Variants in PIWIL1 observed in about 807,000 individuals in gnomAD.
PIWIL1 encodes piwi-like protein 1.
A neutral mutation model predicts 114.4 loss-of-function variants in PIWIL1; 73 were observed. The ratio of observed to expected loss-of-function variants is 0.64; its 90% CI spans 0.53 to 0.78. PIWIL1 has a LOEUF of 0.78. Among genes scored for constraint, PIWIL1 ranks in the 30% least tolerant of loss-of-function variants. The pLI is 0.00. For synonymous variants in PIWIL1, 375 were observed against 369.0 expected (o/e 1.02, Z -0.19); for missense variants, 723 against 1,063.1 (o/e 0.68, Z 4.45).
chr12:130,349,045 G>T (rs1369665042), intron 7 of PIWIL1, among the ~76,000 whole-genome samples, 194 bp from the exon 8 acceptor site: 3 of 152,200 alleles, frequency 2.0e-5, no homozygotes, highest in African/African-American at 7.2e-5. Context: ...CATTTAAAAT[G>T]AAACTTATAC....
chr12:130,347,925 A>G (rs990495682), intron 6 of PIWIL1, among the ~76,000 whole-genome samples, 178 bp from the exon 7 acceptor site: 44 of 152,202 alleles, frequency 2.9e-4, no homozygotes, highest in Non-Finnish European at 3.1e-4. Flanking sequence ...ATTTTTTCCA[A>G]CCTCAAAGAT....
intron 19 of PIWIL1, 130 bp downstream of exon 19, chr12:130,367,388 T>C (rs1488564701): frequency 4.4e-6 from 4 of 910,046 alleles, no homozygotes; most frequent in Non-Finnish European, 6.2e-6. Context: ...ATTAATTTTT[T>C]CAACTAATTT....
chr12:130,421,114 A>G, the PIWIL1 span: 1 of 152,192 alleles, frequency 6.6e-6, no homozygotes, highest in African/African-American at 2.4e-5. Context: ...CATCTCGGAC[A>G]GGTCATTTAA....
the PIWIL1 span, among the ~76,000 whole-genome samples, chr12:130,393,864 C>T: frequency 1.3e-5 from 2 of 152,332 alleles, no homozygotes; most frequent in African/African-American, 2.4e-5. Context: ...ACGGCAGGAG[C>T]TCCCATCCTC....
the PIWIL1 span, among the ~76,000 whole-genome samples, chr12:130,423,259 A>G: frequency 0.085 from 12,977 of 152,216 alleles, 908 homozygotes; most frequent in Admixed American, 0.2. Flanking sequence ...AATGGTGGGA[A>G]GGGAGTCCGG....
intron 13 of PIWIL1, among the ~76,000 whole-genome samples, 156 bp downstream of exon 13, chr12:130,357,261 A>G (rs2073388391): frequency 6.6e-6 from 1 of 152,182 alleles, no homozygotes; most frequent in South Asian, 2.1e-4. Flanking sequence ...ATAACTAAGA[A>G]TGGGTGGGAG....
the PIWIL1 span, chr12:130,398,934 T>C: frequency 6.1e-6 from 2 of 329,506 alleles, no homozygotes; most frequent in Non-Finnish European, 1.1e-5. Flanking sequence ...ATAAATTCAG[T>C]TGCTTTACAA....
chr12:130,391,461 ATTG>A, the PIWIL1 span, among the ~76,000 whole-genome samples: 1 of 152,210 alleles, frequency 6.6e-6, no homozygotes, highest in Non-Finnish European at 1.5e-5. Context: ...AGAAGGCAGC[ATTG>A]TTGTTTAACC....
the PIWIL1 span, chr12:130,396,892 C>T: frequency 2.6e-5 from 4 of 152,498 alleles, no homozygotes; most frequent in African/African-American, 9.7e-5. Flanking sequence ...TTAGACAGTA[C>T]AAATCATTGT....
rs767195354 is a variant in PIWIL1 at position 130,361,386 on chromosome 12, T to G, written c.1866+6T>G. 1 of 1,613,818 alleles carries G rather than the reference T, an allele frequency of 6.2e-7. No homozygotes were observed. The highest frequency in any genetic ancestry group is 1.1e-5 in the South Asian group (1 of 91,054). ...TCTGGAGGGTGGACATCCCCGTGAG[T>G]TTGATTTAATTGGTAGATGCCGTTT... On this transcript the variant is annotated splice_donor_region_variant and intron_variant, in intron 15 of 20. Coordinates refer to ENST00000245255, the MANE Select transcript of PIWIL1 (RefSeq NM_004764.5).
At chr12:130,346,300 C>A in intron 4 of PIWIL1, 70 bp from the exon 5 acceptor site, 1 of 1,208,322 alleles carries the variant, frequency 8.3e-7, no homozygotes. Flanking sequence ...CCTGCCTTGT[C>A]ATGGTAGGAA....
chr12:130,355,386 G>A (rs1308303203), intron 11 of PIWIL1, among the ~76,000 whole-genome samples, 167 bp from the exon 12 acceptor site: 2 of 152,226 alleles, frequency 1.3e-5, no homozygotes, highest in Non-Finnish European at 2.9e-5. Flanking sequence ...GCCTGAAGGT[G>A]ATGAGAGAAA....
At chr12:130,422,486 G>C in the PIWIL1 span, 2 of 1,613,036 alleles carry the variant, frequency 1.2e-6, no homozygotes, top group South Asian at 2.2e-5. The surrounding 1 kb of genome is among the most constrained non-coding windows in gnomAD (Gnocchi z 5.2). Context: ...CGGGACCTCT[G>C]AGGACCAGCG....
the PIWIL1 span, among the ~76,000 whole-genome samples, chr12:130,415,795 C>T: frequency 6.6e-6 from 1 of 152,118 alleles, no homozygotes; most frequent in Non-Finnish European, 1.5e-5. Flanking sequence ...GATTCTAAAC[C>T]TAGAAAACCC....
chr12:130,367,080 T>C (rs1208605886), intron 18 of PIWIL1, 53 bp from the exon 19 acceptor site: 2 of 1,602,646 alleles, frequency 1.2e-6, no homozygotes. Context: ...AATGAATGAG[T>C]GCCCTGAAAA....
downstream of PIWIL1, among the ~76,000 whole-genome samples, chr12:130,376,644 T>G (rs996789372): frequency 2.6e-5 from 4 of 152,236 alleles, no homozygotes; most frequent in Admixed American, 1.3e-4. Flanking sequence ...AGTCATCTCT[T>G]ACATCACACC....
At chr12:130,367,357 G>C in intron 19 of PIWIL1, 99 bp downstream of exon 19, 1 of 1,135,914 alleles carries the variant, frequency 8.8e-7, no homozygotes, top group Non-Finnish European at 1.2e-6. Flanking sequence ...TTTTACTTTT[G>C]TTCTTATATT....
rs928202010 is a variant in PIWIL1, at chr12:130,372,588, A to G, written c.*990A>G. The G allele has an allele frequency of 2.4e-5, 3 of 126,486 alleles. No individual in the cohort carries two copies. The highest frequency in any genetic ancestry group is 4.8e-5 in the Non-Finnish European group (3 of 62,020). 7.8% of individuals were successfully genotyped at this position (126,486 alleles called of 1,614,324 possible). ...ACTCCAGCCTGGGCAACAGAGTGAGACTCCGTCTCAAAAAAAAAAAAAAAA... is the reference window on the plus strand; with the variant it reads ...ACTCCAGCCTGGGCAACAGAGTGAGGCTCCGTCTCAAAAAAAAAAAAAAAA... On this transcript the variant is annotated 3_prime_UTR_variant, in exon 21 of 21. Transcript: ENST00000245255.
At chr12:130,381,061 C>A in the PIWIL1 span, among the ~76,000 whole-genome samples, 2 of 152,082 alleles carry the variant, frequency 1.3e-5, no homozygotes, top group East Asian at 3.9e-4. Flanking sequence ...CATATCCCAC[C>A]CCCCAGAGTG....
Sources: gnomAD v4.1 joint callset for allele counts (sites outside exome capture counted in the v4.1 genomes callset) on GRCh38, gnomAD v4.1.1 for gene constraint, Gnocchi (gnomAD v3.1) non-coding constraint, MANE v1.5 for transcripts, NCBI Gene and HGNC (gene_info 2026-07-23, HGNC 2026-07-21) for gene names.